THADA: variants seen among roughly 807,000 people sequenced by gnomAD.
THADA encodes the protein THADA armadillo repeat containing.
THADA carries 213 observed loss-of-function variants against 219.8 expected under a neutral mutation model. The observed-to-expected ratio is 0.97, with a 90% CI of 0.87 to 1.09. The LOEUF (loss-of-function observed/expected upper bound fraction) is 1.09, where lower values mean the gene tolerates loss of function less well. Ranked by LOEUF, THADA falls within the 50% of genes least tolerant of loss-of-function variation. THADA has a pLI of 0.00. For synonymous variants in THADA, 1,018 were observed against 828.9 expected (o/e 1.23, Z -3.92); for missense variants, 2,956 against 2,311.3 (o/e 1.28, Z -5.72).
intron 29 of THADA, among the ~76,000 whole-genome samples, chr2:43,376,040 A>G (rs1487467093): frequency 6.6e-6 from 1 of 152,186 alleles, no homozygotes; most frequent in Non-Finnish European, 1.5e-5. Context: ...CTCAGAGCCA[A>G]TATTTACAGC....
intron 34 of THADA, among the ~76,000 whole-genome samples, chr2:43,290,045 A>C (rs1674507832): frequency 7.1e-6 from 1 of 139,972 alleles, no homozygotes; most frequent in African/African-American, 2.7e-5. Flanking sequence ...GCATGATCTC[A>C]GATCACTGCA....
Position 43,289,310 on chromosome 2 carries a change from TCAACTGAAC to T in THADA, c.5011-2258_5011-2250del, listed in dbSNP as rs143722837. 4.6e-3 allele frequency among the ~76,000 whole-genome samples: 694 copies of T among 152,362 alleles called. 2 individuals carry two copies. The highest frequency in any genetic ancestry group is 0.016 in the African/African-American group (663 of 41,582). On this transcript the variant is annotated intron_variant, in intron 34 of 37. Coordinates refer to ENST00000405975, the MANE Select transcript of THADA (RefSeq NM_022065.5). The stretch of plus-strand genomic sequence containing the variant: ...TTGTTCCAGATGTACTTTACTTCTA[TCAACTGAAC>T]CTCTTTAAATGTTCAAAATGTAACT...
At chr2:43,253,552 T>C (rs1670024886) in intron 36 of THADA, among the ~76,000 whole-genome samples, 1 of 152,096 alleles carries the variant, frequency 6.6e-6, no homozygotes, top group South Asian at 2.1e-4. Context: ...TCTTGATAGT[T>C]TTTCCTTATG....
At chr2:43,531,986 T>G (rs1693934980) in intron 21 of THADA, among the ~76,000 whole-genome samples, 1 of 151,152 alleles carries the variant, frequency 6.6e-6, no homozygotes, top group Non-Finnish European at 1.5e-5. Context: ...TTTTTTTTGG[T>G]GTGTGTTTTT....
rs1699687411 is a variant in THADA, at chr2:43,574,857, G to A, written c.1208C>T (p.Pro403Leu). 1 of 1,613,864 alleles carries A rather than the reference G, an allele frequency of 6.2e-7. No homozygotes were observed. The highest frequency in any genetic ancestry group is 1.3e-5 in the African/African-American group (1 of 74,914). ...GGTTTGGTGTCTCAGAGCATCCAAT[G>A]GATGTTCCCAATGGGTATAGACATA... ...LEYVYTHWEHPLDALRHQTKI... is the reference protein window; with the variant it reads ...LEYVYTHWEHLLDALRHQTKI... The change falls in exon 11 of 38, where the codon CCA becomes CTA. Residue 403 changes from proline (P) to leucine (L), a missense_variant. Pro to Leu is a moderately conservative substitution (Grantham distance 98). Transcript: ENST00000405975.
intron 11 of THADA, among the ~76,000 whole-genome samples, chr2:43,573,366 C>A (rs543455221): frequency 6.6e-6 from 1 of 152,288 alleles, no homozygotes; most frequent in East Asian, 1.9e-4. Context: ...AAAGTAAACA[C>A]TGAACCTCTC....
intron 28 of THADA, among the ~76,000 whole-genome samples, chr2:43,401,915 T>C (rs565237520): frequency 6.6e-6 from 1 of 151,480 alleles, no homozygotes; most frequent in South Asian, 2.1e-4. Flanking sequence ...ATTTGGAAAA[T>C]TTCTAAATGA....
chr2:43,326,126 G>A (rs1353099174), intron 30 of THADA, among the ~76,000 whole-genome samples: 3 of 150,174 alleles, frequency 2.0e-5, no homozygotes, highest in African/African-American at 7.3e-5. Context: ...ATATGCATTA[G>A]GTCATATGTA....
intron 31 of THADA, among the ~76,000 whole-genome samples, chr2:43,297,585 C>T (rs1462913756): frequency 2.9e-5 from 3 of 104,876 alleles, no homozygotes; most frequent in East Asian, 2.5e-4. Flanking sequence ...CCGTGCCGTC[C>T]GGGAGGGAGG....
At chr2:43,571,583 G>T in intron 13 of THADA, 124 bp downstream of exon 13, 1 of 897,996 alleles carries the variant, frequency 1.1e-6, no homozygotes, top group Non-Finnish European at 1.7e-6. Context: ...CGGCCGTCAT[G>T]AACAGATGTG....
At chr2:43,413,758 C>G (rs1343743139) in intron 28 of THADA, among the ~76,000 whole-genome samples, 1 of 152,196 alleles carries the variant, frequency 6.6e-6, no homozygotes, top group Non-Finnish European at 1.5e-5. Flanking sequence ...TCTTCATCTT[C>G]TTCTGTTCAT....
At chr2:43,306,520 C>T (rs1396787108) in intron 31 of THADA, among the ~76,000 whole-genome samples, 3 of 152,162 alleles carry the variant, frequency 2.0e-5, no homozygotes, top group Admixed American at 2.0e-4. Flanking sequence ...CCTCTGTTGC[C>T]TCACCTGTAG....
intron 36 of THADA, among the ~76,000 whole-genome samples, chr2:43,274,317 C>T (rs1672468590): frequency 6.6e-6 from 1 of 152,218 alleles, no homozygotes; most frequent in African/African-American, 2.4e-5. Flanking sequence ...CAGTGAAAAA[C>T]GCTGTCCCTT....
intron 14 of THADA, among the ~76,000 whole-genome samples, chr2:43,568,216 C>T (rs1390926262): frequency 1.3e-5 from 2 of 152,178 alleles, no homozygotes; most frequent in Non-Finnish European, 2.9e-5. Flanking sequence ...TAAATGAGAA[C>T]ATGGACATCT....
intron 30 of THADA, among the ~76,000 whole-genome samples, chr2:43,333,920 C>T (rs987478705): frequency 4.3e-4 from 65 of 152,112 alleles, no homozygotes; most frequent in African/African-American, 1.5e-3. Context: ...GACCTAAAAC[C>T]CAGTATTTCT....
intron 20 of THADA, among the ~76,000 whole-genome samples, chr2:43,545,420 T>C (rs899189512): frequency 6.6e-6 from 1 of 151,626 alleles, no homozygotes; most frequent in Non-Finnish European, 1.5e-5. Context: ...CCTCTTTTTC[T>C]ATTGATTGGA....
At chr2:43,514,075 AT>A (rs1230913101) in intron 22 of THADA, among the ~76,000 whole-genome samples, 10 of 151,738 alleles carry the variant, frequency 6.6e-5, no homozygotes, top group African/African-American at 1.2e-4. Flanking sequence ...AAAAAAAAAA[AT>A]AAAGAACAAG....
At position 43,566,693 on chromosome 2, in the gene THADA, C is replaced by T; in HGVS notation, c.2311+5G>A. ...TTACTTCCCCTAACATTATTAAACA[C>T]TTACCTTCTGGGACATGAAAAACTT... On this transcript the variant is annotated splice_donor_5th_base_variant and intron_variant, in intron 15 of 37. Coordinates refer to ENST00000405975, the MANE Select transcript of THADA (RefSeq NM_022065.5). The T allele has an allele frequency of 6.2e-7, 1 of 1,608,974 alleles. No individual in the cohort carries two copies. Among genetic ancestry groups the T allele is most frequent in the Non-Finnish European group, 8.5e-7 (1 of 1,178,378 alleles).
At chr2:43,382,678 C>G (rs1457972968) in intron 29 of THADA, among the ~76,000 whole-genome samples, 1 of 152,122 alleles carries the variant, frequency 6.6e-6, no homozygotes, top group Non-Finnish European at 1.5e-5. Context: ...AAGATTCTAG[C>G]CACTTCATGG....
Sources: gnomAD v4.1 joint callset for allele counts (sites outside exome capture counted in the v4.1 genomes callset) on GRCh38, gnomAD v4.1.1 for gene constraint, MANE v1.5 for transcripts, NCBI Gene and HGNC (gene_info 2026-07-23, HGNC 2026-07-21) for gene names.